ELOVL7: variants seen among roughly 807,000 people sequenced by gnomAD.
The protein encoded by ELOVL7 is very long chain fatty acid elongase 7.
In ELOVL7, 27 loss-of-function variants were observed where a neutral mutation model predicts 35.7. The observed-to-expected ratio is 0.76, with a 90% CI of 0.56 to 1.04. The LOEUF (loss-of-function observed/expected upper bound fraction) is 1.04. Ranked by LOEUF, ELOVL7 falls within the 50% of genes least tolerant of loss-of-function variation. The pLI, the probability that ELOVL7 is intolerant of heterozygous loss-of-function variation, is 0.00. For synonymous variants in ELOVL7, 113 were observed against 114.6 expected (o/e 0.99, Z 0.09); for missense variants, 327 against 340.8 (o/e 0.96, Z 0.32).
intron 6 of ELOVL7, 92 bp from the exon 7 acceptor site, chr5:60,764,424 C>A: frequency 1.0e-6 from 1 of 954,506 alleles, no homozygotes; most frequent in South Asian, 1.5e-5. Context: ...CAAAGTATTT[C>A]ATATCATAAT....
chr5:60,787,262 A>T, intron 3 of ELOVL7, 72 bp downstream of exon 3: 13 of 1,293,714 alleles, frequency 1.0e-5, no homozygotes, highest in South Asian at 2.6e-5. Flanking sequence ...TGTTCCAGTG[A>T]AATCCTATTA....
chr5:60,841,075 G>A (rs182724486), intron 1 of ELOVL7, among the ~76,000 whole-genome samples: 4,545 of 147,614 alleles, frequency 0.031, 106 homozygotes, highest in Non-Finnish European at 0.045. Context: ...GCCCAGGCTG[G>A]AGTGCAGTGG....
intron 1 of ELOVL7, among the ~76,000 whole-genome samples, chr5:60,837,328 G>GGT: frequency 7.8e-6 from 1 of 127,540 alleles, no homozygotes; most frequent in Non-Finnish European, 1.7e-5. Context: ...GGGGGGAGTG[G>GGT]GGGGTGGGGG....
In ELOVL7 at chr5:60,752,447, C is replaced by T. The variant is rs1741325669; in HGVS notation, c.*2177G>A. The stretch of plus-strand genomic sequence containing the variant: ...TCCTGTTTCATCTCTTTTATTTTTG[C>T]CTCATTTTGGTCTCTATACTACTTG... On this transcript the variant is annotated 3_prime_UTR_variant, in exon 9 of 9. Transcript: ENST00000508821. 6.6e-6 allele frequency: 1 copy of T among 152,474 alleles called. No homozygotes were observed. The highest frequency in any genetic ancestry group is 6.6e-5 in the Admixed American group (1 of 15,256). 9.4% of individuals were successfully genotyped at this position (152,474 alleles called of 1,614,324 possible). A position where few individuals can be genotyped will look rare whatever the true frequency, so the allele number is the denominator to read the frequency against.
chr5:60,797,167 A>G lies in ELOVL7; in HGVS notation c.-35+2013T>C, dbSNP rs561886538. On this transcript the variant is annotated intron_variant, in intron 2 of 8. Coordinates refer to ENST00000508821, the MANE Select transcript of ELOVL7 (RefSeq NM_024930.3). ...AATTATTTCAAATGACAAATTTTCA[A>G]ATTTGCTAATTATAACACATACGCA... Among the ~76,000 whole-genome samples the G allele has an allele frequency of 3.9e-5, 6 of 152,324 alleles. No homozygotes were observed. In the South Asian group the frequency reaches 1.2e-3, roughly 32 times the overall value.
chr5:60,781,910 T>C (rs1579823392), intron 3 of ELOVL7, among the ~76,000 whole-genome samples: 2 of 152,212 alleles, frequency 1.3e-5, no homozygotes, highest in South Asian at 2.1e-4. Context: ...AGTTACTATA[T>C]GTAAAGAGCC....
chr5:60,826,178 G>C (rs1746161442), intron 1 of ELOVL7, among the ~76,000 whole-genome samples: 1 of 152,228 alleles, frequency 6.6e-6, no homozygotes, highest in Non-Finnish European at 1.5e-5. Context: ...CTCAAGGAGA[G>C]GGGTGGTTAA....
intron 3 of ELOVL7, among the ~76,000 whole-genome samples, chr5:60,780,674 C>T (rs544988064): frequency 2.0e-5 from 3 of 152,132 alleles, no homozygotes; most frequent in African/African-American, 7.2e-5. Context: ...ACATAAGGCA[C>T]CTCTTCACTG....
At chr5:60,842,141 A>C (rs1230187640) in intron 1 of ELOVL7, among the ~76,000 whole-genome samples, 1 of 152,236 alleles carries the variant, frequency 6.6e-6, no homozygotes, top group African/African-American at 2.4e-5. Context: ...AACAAATAGC[A>C]GAGAAGGGCA....
intron 1 of ELOVL7, among the ~76,000 whole-genome samples, chr5:60,810,038 T>C (rs1021317410): frequency 1.3e-5 from 2 of 152,160 alleles, no homozygotes; most frequent in Non-Finnish European, 2.9e-5. Context: ...ATAAACAAAT[T>C]ATCAGCCCTC....
Position 60,789,057 on chromosome 5 carries a change from T to C in ELOVL7, c.-34-1626A>G, listed in dbSNP as rs1304226829. On this transcript the variant is annotated intron_variant, in intron 2 of 8. Coordinates refer to ENST00000508821, the MANE Select transcript of ELOVL7 (RefSeq NM_024930.3). ...CAAGATAAACTCCAAATAAAGCAAA[T>C]ATTTAAGTAAGAACAACAGAACCAT... 2.6e-5 allele frequency among the ~76,000 whole-genome samples: 4 copies of C among 151,098 alleles called. No homozygotes were observed. The East Asian group carries it at 7.8e-4, about 29-fold the overall frequency.
intron 1 of ELOVL7, among the ~76,000 whole-genome samples, chr5:60,813,325 G>A (rs1745340098): frequency 6.6e-6 from 1 of 152,106 alleles, no homozygotes; most frequent in Admixed American, 6.5e-5. Flanking sequence ...CGGTTGACAC[G>A]TGTATTACTA....
At chr5:60,838,289 C>T (rs1746951996) in intron 1 of ELOVL7, among the ~76,000 whole-genome samples, 1 of 152,190 alleles carries the variant, frequency 6.6e-6, no homozygotes, top group Admixed American at 6.5e-5. Context: ...TCCCACTCCT[C>T]GTCCCATTTC....
intron 7 of ELOVL7, among the ~76,000 whole-genome samples, chr5:60,760,399 G>A (rs1158582157): frequency 6.6e-6 from 1 of 152,176 alleles, no homozygotes; most frequent in East Asian, 1.9e-4. Flanking sequence ...GTGATGGTGA[G>A]CATTTTTTCA....
At chr5:60,819,346 T>C (rs767143619) in intron 1 of ELOVL7, among the ~76,000 whole-genome samples, 3 of 152,160 alleles carry the variant, frequency 2.0e-5, no homozygotes, top group South Asian at 2.1e-4. Flanking sequence ...AGATGGACAA[T>C]GTACTGACGG....
intron 1 of ELOVL7, among the ~76,000 whole-genome samples, chr5:60,840,436 AC>A (rs755461325): frequency 6.6e-6 from 1 of 152,194 alleles, no homozygotes; most frequent in Non-Finnish European, 1.5e-5. Flanking sequence ...TGTCACCAGA[AC>A]CTAGGAGAAG....
Position 60,751,987 on chromosome 5 carries a change from AT to A in ELOVL7, c.*2636del. The A allele has an allele frequency of 6.6e-6, 1 of 152,168 alleles. No individual in the cohort carries two copies. Among genetic ancestry groups the A allele is most frequent in the Non-Finnish European group, 1.5e-5 (1 of 68,026 alleles). 9.4% of individuals were successfully genotyped at this position (152,168 alleles called of 1,614,324 possible). A position where few individuals can be genotyped will look rare whatever the true frequency, so the allele number is the denominator to read the frequency against. ...TATTTAAAAATCTATATTTGTATTT[AT>A]TTATAATATAGATATAGGCCCTCAA... is the stretch of plus-strand genomic sequence containing the variant. On this transcript the variant is annotated 3_prime_UTR_variant, in exon 9 of 9. Transcript: ENST00000508821.
intron 1 of ELOVL7, among the ~76,000 whole-genome samples, chr5:60,835,214 A>G (rs902011700): frequency 6.6e-6 from 1 of 150,940 alleles, no homozygotes; most frequent in Non-Finnish European, 1.5e-5. Flanking sequence ...AAAAAGACAG[A>G]GTAGTCCCAA....
At chr5:60,824,954 T>C (rs1579925409) in intron 1 of ELOVL7, among the ~76,000 whole-genome samples, 1 of 145,476 alleles carries the variant, frequency 6.9e-6, no homozygotes. Flanking sequence ...TTCCTTCTTC[T>C]CACTTCTTTT....
Sources: gnomAD v4.1 joint callset for allele counts (sites outside exome capture counted in the v4.1 genomes callset) on GRCh38, gnomAD v4.1.1 for gene constraint, MANE v1.5 for transcripts, NCBI Gene and HGNC (gene_info 2026-07-23, HGNC 2026-07-21) for gene names.